Variants in SPARC observed in about 807,000 individuals in gnomAD.
SPARC encodes the protein basement-membrane protein 40.
A neutral mutation model predicts 37.7 loss-of-function variants in SPARC; 23 were observed. The ratio of observed to expected loss-of-function variants is 0.61; its 90% CI spans 0.44 to 0.87. The LOEUF is 0.87. Ranked by LOEUF, SPARC falls within the 40% of genes least tolerant of loss-of-function variation. The pLI is 0.00. For missense variants in SPARC, 312 were observed against 389.0 expected, an observed-to-expected ratio of 0.80 and a Z score of 1.66; for synonymous variants, 155 against 150.8, an observed-to-expected ratio of 1.03 and a Z score of -0.20.
At position 151,663,385 on chromosome 5, in the gene SPARC, T is replaced by C; in HGVS notation, c.*186A>G. ...TGTGGAAAAGGCCTTAATAGTTAAG[T>C]TACAGCTAAGAATGTCATGTCTTGG... On this transcript the variant is annotated 3_prime_UTR_variant, in exon 10 of 10. Transcript: ENST00000231061. 1 of 628,518 alleles carries C rather than the reference T, an allele frequency of 1.6e-6. No individual in the cohort carries two copies. The highest frequency in any genetic ancestry group is 2.0e-5 in the South Asian group (1 of 51,102). 38.9% of individuals were successfully genotyped at this position (628,518 alleles called of 1,614,324 possible).
In SPARC at chr5:151,676,200, C is replaced by T. The variant is rs1331184165; in HGVS notation, c.-12G>A. The T allele has an allele frequency of 1.2e-6, 2 of 1,608,692 alleles. No individual in the cohort carries two copies. The highest frequency in any genetic ancestry group is 2.2e-5 in the South Asian group (2 of 89,608). ...ATCCAGGCCCTCATGGTGCTGGGAA[C>T]CCTATGGGGAGGAGAGATTGAGAGT... On this transcript the variant is annotated splice_region_variant and 5_prime_UTR_variant, in exon 2 of 10. Transcript: ENST00000231061.
intron 1 of SPARC, chr5:151,685,189 C>T (rs1321701196): frequency 2.6e-5 from 4 of 152,150 alleles, no homozygotes. Flanking sequence ...TCCTCCCTCC[C>T]CCTCTTTGCT....
At chr5:151,668,443 G>A (rs184232439) in intron 6 of SPARC, among the ~76,000 whole-genome samples, 11 of 152,252 alleles carry the variant, frequency 7.2e-5, no homozygotes, top group East Asian at 1.9e-4. Context: ...GTGAGCCACC[G>A]CGCCTGACCC....
At chr5:151,672,875 G>T in intron 4 of SPARC, 1 of 499,320 alleles carries the variant, frequency 2.0e-6, no homozygotes, top group Non-Finnish European at 3.7e-6. Flanking sequence ...GAGGGGAGAA[G>T]CCCATTTCCA....
intron 4 of SPARC, chr5:151,671,950 G>A (rs1760757294): frequency 4.3e-6 from 2 of 460,024 alleles, no homozygotes; most frequent in South Asian, 3.2e-5. Context: ...GCTCAGTCTG[G>A]GACCCAGAAA....
intron 1 of SPARC, among the ~76,000 whole-genome samples, chr5:151,683,535 T>A (rs533424862): frequency 2.0e-5 from 3 of 152,212 alleles, no homozygotes; most frequent in Admixed American, 2.0e-4. Context: ...CTCTGAGACA[T>A]AGAGGTGGTT....
intron 5 of SPARC, among the ~76,000 whole-genome samples, chr5:151,671,005 A>G (rs1490593487): frequency 6.6e-6 from 1 of 152,166 alleles, no homozygotes; most frequent in Non-Finnish European, 1.5e-5. Flanking sequence ...CTCAAAAAAT[A>G]TTTACTTGGA....
intron 3 of SPARC, among the ~76,000 whole-genome samples, chr5:151,673,746 T>C (rs777269061): frequency 1.6e-4 from 25 of 152,312 alleles, no homozygotes; most frequent in Middle Eastern, 6.8e-3. Flanking sequence ...ATGCACAATT[T>C]AGACATGTTG....
rs1300799488 is a variant in SPARC at position 151,685,418 on chromosome 5, T to TCACA, written c.-14+1446_-14+1447insTGTG. Among the ~76,000 whole-genome samples the TCACA allele has an allele frequency of 6.3e-4, 39 of 62,100 alleles. No homozygotes were observed. In the South Asian group the frequency reaches 0.014, roughly 22 times the overall value. The allele number at this position is 62,100 out of a possible 152,430, so 40.7% of individuals were successfully genotyped here. On this transcript the variant is annotated intron_variant, in intron 1 of 9. Transcript: ENST00000231061. ...CTCTCTCTCTCTCTCTCTCCCTCTC[T>TCACA]CTCTCACACACACACACACACACAC...
At chr5:151,671,011 T>C (rs1581523697) in intron 5 of SPARC, among the ~76,000 whole-genome samples, 2 of 152,144 alleles carry the variant, frequency 1.3e-5, no homozygotes, top group South Asian at 4.2e-4. Flanking sequence ...AAATATTTAC[T>C]TGGACGGATG....
intron 3 of SPARC, 86 bp downstream of exon 3, chr5:151,674,526 T>C (rs955873819): frequency 3.9e-6 from 5 of 1,269,704 alleles, no homozygotes; most frequent in African/African-American, 1.5e-5. Context: ...CACTCTAGCA[T>C]TGAGACCCAC....
chr5:151,669,292 C>T (rs1422793435), intron 6 of SPARC, among the ~76,000 whole-genome samples: 2 of 152,178 alleles, frequency 1.3e-5, no homozygotes, highest in Non-Finnish European at 2.9e-5. Flanking sequence ...TTTGTAGGCC[C>T]AGGTCAAACA....
Position 151,666,458 on chromosome 5 carries a change from C to G in SPARC, c.637G>C (p.Val213Leu). The change falls in exon 8 of 10, where the codon GTG becomes CTG. Residue 213 changes from valine to leucine, a missense_variant. Physicochemically the swap from Val to Leu is conservative, Grantham distance 32. Transcript: ENST00000231061. ...TCGAAGTCCCGGGCCAGCAGCTCCACGGGGTGGTCTCCTGCCTCCAGGCGC... is the reference window on the plus strand; with the variant it reads ...TCGAAGTCCCGGGCCAGCAGCTCCAGGGGGTGGTCTCCTGCCTCCAGGCGC... ...EKRLEAGDHP[V>L]ELLARDFEKN... 1.2e-6 allele frequency: 2 copies of G among 1,614,150 alleles called. No individual in the cohort carries two copies. Among genetic ancestry groups the G allele is most frequent in the Non-Finnish European group, 1.7e-6 (2 of 1,180,014 alleles).
At chr5:151,666,605 A>C in intron 7 of SPARC, 96 bp from the exon 8 acceptor site, 2 of 1,103,290 alleles carry the variant, frequency 1.8e-6, no homozygotes, top group Non-Finnish European at 2.6e-6. Context: ...GAGCAGGCAG[A>C]GACTAGCCAG....
chr5:151,673,735 A>C (rs1434147598), intron 3 of SPARC, among the ~76,000 whole-genome samples: 1 of 152,186 alleles, frequency 6.6e-6, no homozygotes, highest in African/African-American at 2.4e-5. Flanking sequence ...GAACTCAACC[A>C]ATGCACAATT....
intron 1 of SPARC, among the ~76,000 whole-genome samples, chr5:151,676,426 T>G (rs998261141): frequency 1.3e-5 from 2 of 152,258 alleles, no homozygotes; most frequent in Non-Finnish European, 2.9e-5. Flanking sequence ...TATACTCATC[T>G]ATCTCCTTTT....
intron 3 of SPARC, 127 bp from the exon 4 acceptor site, chr5:151,673,343 G>T (rs1760787782): frequency 1.4e-6 from 1 of 727,294 alleles, no homozygotes; most frequent in South Asian, 1.5e-5. Flanking sequence ...TAATCTATAG[G>T]CCTGCTGTGT....
chr5:151,669,816 C>T, intron 5 of SPARC, 32 bp from the exon 6 acceptor site: 1 of 1,613,116 alleles, frequency 6.2e-7, no homozygotes, highest in Non-Finnish European at 8.5e-7. Flanking sequence ...CCCCCTCCTT[C>T]ATTCCCAAAG....
rs764270465 is a variant in SPARC, at chr5:151,663,582, G to A, written c.901C>T (p.Leu301Phe). The stretch of plus-strand genomic sequence containing the variant: ...TGGAAGGAGTGGATTTAGATCACAA[G>A]ATCCTTGTCGATATCCTCTGCAAAG... ...GIKQKDIDKD[L>F]VI The change falls in exon 10 of 10, where the codon CTT becomes TTT. Residue 301 changes from leucine to phenylalanine, a missense_variant. Transcript: ENST00000231061. The A allele has an allele frequency of 6.2e-7, 1 of 1,614,028 alleles. No homozygotes were observed. The highest frequency in any genetic ancestry group is 8.5e-7 in the Non-Finnish European group (1 of 1,179,906).
Sources: gnomAD v4.1 joint callset for allele counts (sites outside exome capture counted in the v4.1 genomes callset) on GRCh38, gnomAD v4.1.1 for gene constraint, MANE v1.5 for transcripts, NCBI Gene and HGNC (gene_info 2026-07-23, HGNC 2026-07-21) for gene names.